The following ATP8A2 variants were observed in gnomAD, a reference collection of about 807,000 sequenced individuals.
The protein encoded by ATP8A2 is phospholipid-transporting ATPase IB.
ATP8A2 carries 100 observed loss-of-function variants against 165.6 expected under a neutral mutation model. The ratio of observed to expected loss-of-function variants is 0.60; its 90% CI spans 0.51 to 0.71. The LOEUF (loss-of-function observed/expected upper bound fraction) is 0.71, where lower values mean the gene tolerates loss of function less well. ATP8A2 is among the 30% of genes least tolerant of loss of function. ATP8A2 has a pLI of 0.00. For synonymous variants in ATP8A2, 543 were observed against 548.8 expected, an observed-to-expected ratio of 0.99 and a Z score of 0.15; for missense variants, 1,227 against 1,479.5, an observed-to-expected ratio of 0.83 and a Z score of 2.80.
At chr13:25,872,575 A>G (rs1941989217) in intron 33 of ATP8A2, among the ~76,000 whole-genome samples, 1 of 152,068 alleles carries the variant, frequency 6.6e-6, no homozygotes, top group Non-Finnish European at 1.5e-5. Context: ...CAGCTTCTTT[A>G]CCCAAGGAAA....
At chr13:25,939,094 T>C (rs1346100398) in intron 33 of ATP8A2, among the ~76,000 whole-genome samples, 1 of 152,058 alleles carries the variant, frequency 6.6e-6, no homozygotes, top group Non-Finnish European at 1.5e-5. Flanking sequence ...CCATCCGCCT[T>C]GGCCTCCCAA....
chr13:25,553,729 C>T (rs1054276497), intron 11 of ATP8A2, 64 bp from the exon 12 acceptor site: 1 of 1,511,002 alleles, frequency 6.6e-7, no homozygotes, highest in African/African-American at 1.4e-5. Context: ...TAACATGAAT[C>T]TCTAAATGAG....
rs778939268 is a variant in ATP8A2, at chr13:25,388,886, TC to T, written c.76+16600del. ...AACACAGGCTGAAGGAAATGATGTC[TC>T]CACATGTTTGATGGAAAACAGATTC... On this transcript the variant is annotated intron_variant, in intron 1 of 36. Coordinates refer to ENST00000381655, the MANE Select transcript of ATP8A2 (RefSeq NM_016529.6). 4.7e-4 allele frequency among the ~76,000 whole-genome samples: 72 copies of T among 152,070 alleles called. 1 individual carries two copies. Among genetic ancestry groups the T allele is most frequent in the Admixed American group, 3.3e-4 (5 of 15,274 alleles).
intron 24 of ATP8A2, among the ~76,000 whole-genome samples, chr13:25,595,071 GA>G (rs1407518238): frequency 6.6e-6 from 1 of 150,744 alleles, no homozygotes; most frequent in Non-Finnish European, 1.5e-5. Flanking sequence ...CCATAAAAAG[GA>G]ATGAATTAAT....
intron 35 of ATP8A2, among the ~76,000 whole-genome samples, chr13:25,970,000 A>G (rs1566313571): frequency 6.6e-6 from 1 of 152,198 alleles, no homozygotes; most frequent in Non-Finnish European, 1.5e-5. Context: ...CTGAAAAAAA[A>G]CATATTCATA....
At chr13:25,831,897 T>A (rs374932239) in intron 28 of ATP8A2, among the ~76,000 whole-genome samples, 1 of 151,556 alleles carries the variant, frequency 6.6e-6, no homozygotes, top group East Asian at 2.0e-4. Context: ...GAATGAATGC[T>A]GTCCCAGAAG....
chr13:25,861,871 T>G (rs1276762114), intron 32 of ATP8A2, among the ~76,000 whole-genome samples: 1 of 152,210 alleles, frequency 6.6e-6, no homozygotes, highest in African/African-American at 2.4e-5. Flanking sequence ...TAAAAAACTC[T>G]TGGCTAAAGG....
At chr13:25,538,607 C>T (rs1344593467) in intron 7 of ATP8A2, among the ~76,000 whole-genome samples, 2 of 152,192 alleles carry the variant, frequency 1.3e-5, no homozygotes, top group Admixed American at 1.3e-4. Context: ...GGAATCATCA[C>T]TCAGTGCAGT....
chr13:25,551,128 A>G (rs924762211), intron 10 of ATP8A2, among the ~76,000 whole-genome samples: 1 of 152,242 alleles, frequency 6.6e-6, no homozygotes, highest in African/African-American at 2.4e-5. Flanking sequence ...TGTGTTCTTT[A>G]AACTGGTAGA....
At chr13:25,466,373 C>T (rs2035668467) in intron 1 of ATP8A2, among the ~76,000 whole-genome samples, 1 of 152,004 alleles carries the variant, frequency 6.6e-6, no homozygotes, top group Admixed American at 6.6e-5. Context: ...TTTCCTAATC[C>T]ACACCTCACC....
At chr13:25,705,091 A>G in intron 25 of ATP8A2, 1 of 368,272 alleles carries the variant, frequency 2.7e-6, no homozygotes, top group South Asian at 2.1e-5. Context: ...TGTGTAAACC[A>G]TTTTCAATAT....
intron 35 of ATP8A2, among the ~76,000 whole-genome samples, chr13:25,988,563 A>G (rs1034350788): frequency 1.3e-5 from 2 of 152,088 alleles, no homozygotes; most frequent in Admixed American, 6.5e-5. Context: ...TCCATGTGGG[A>G]TGAAGTGGGA....
intron 25 of ATP8A2, among the ~76,000 whole-genome samples, chr13:25,716,950 T>C (rs2043267872): frequency 6.6e-6 from 1 of 152,216 alleles, no homozygotes; most frequent in Non-Finnish European, 1.5e-5. Flanking sequence ...TTTAGTTTTT[T>C]CCTTTAATTT....
chr13:25,851,369 G>A (rs1952003682), intron 30 of ATP8A2, among the ~76,000 whole-genome samples: 1 of 152,122 alleles, frequency 6.6e-6, no homozygotes, highest in South Asian at 2.1e-4. Context: ...ATCACCTGAG[G>A]TCAAGACTTC....
At chr13:25,476,303 T>C (rs1005536192) in intron 2 of ATP8A2, among the ~76,000 whole-genome samples, 4 of 151,992 alleles carry the variant, frequency 2.6e-5, no homozygotes, top group African/African-American at 9.7e-5. Flanking sequence ...TTTTTTTTTT[T>C]GAGATGGAGT....
At chr13:26,014,818 T>G in intron 36 of ATP8A2, among the ~76,000 whole-genome samples, 1 of 152,190 alleles carries the variant, frequency 6.6e-6, no homozygotes, top group Admixed American at 6.5e-5. Flanking sequence ...CTCTAAATTT[T>G]TATTTTCTCC....
intron 35 of ATP8A2, among the ~76,000 whole-genome samples, chr13:25,999,397 C>G (rs1209372100): frequency 1.3e-5 from 2 of 152,166 alleles, no homozygotes; most frequent in Non-Finnish European, 2.9e-5. Context: ...CTCAGAGGCG[C>G]TCACAGGCCC....
intron 35 of ATP8A2, among the ~76,000 whole-genome samples, chr13:25,998,110 G>A (rs1254342619): frequency 6.6e-6 from 1 of 152,168 alleles, no homozygotes; most frequent in Non-Finnish European, 1.5e-5. Context: ...ATGTCTTCAG[G>A]GTAGGGATGG....
At chr13:25,688,394 G>GGT (rs1217866681) in intron 24 of ATP8A2, among the ~76,000 whole-genome samples, 2 of 125,884 alleles carry the variant, frequency 1.6e-5, no homozygotes, top group African/African-American at 5.5e-5. Flanking sequence ...CTTTCGGCCA[G>GGT]GTGTGTGTGT....
Sources: gnomAD v4.1 joint callset for allele counts (sites outside exome capture counted in the v4.1 genomes callset) on GRCh38, gnomAD v4.1.1 for gene constraint, MANE v1.5 for transcripts, NCBI Gene and HGNC (gene_info 2026-07-23, HGNC 2026-07-21) for gene names.